The following CLASP2 variants were observed in gnomAD, a reference collection of about 807,000 sequenced individuals.
CLASP2 encodes the protein cytoplasmic linker associated protein 2, also known as CLIP-associating protein 2.
A neutral mutation model predicts 194.4 loss-of-function variants in CLASP2; 47 were observed. That is an observed-to-expected ratio of 0.24 (90% confidence interval 0.19 to 0.31). CLASP2 has a LOEUF of 0.31. Among genes scored for constraint, CLASP2 ranks in the 10% least tolerant of loss-of-function variants. The pLI is 1.00. For synonymous variants in CLASP2, 619 were observed against 633.5 expected (o/e 0.98, Z 0.34); for missense variants, 1,445 against 1,823.6 (o/e 0.79, Z 3.78).
intron 30 of CLASP2, among the ~76,000 whole-genome samples, chr3:33,550,308 A>G (rs1330172647): frequency 6.7e-6 from 1 of 150,128 alleles, no homozygotes; most frequent in African/African-American, 2.4e-5. Context: ...AGGCATGAGA[A>G]TCACTTGAAT....
At chr3:33,629,770 A>C (rs2078717528) in intron 9 of CLASP2, among the ~76,000 whole-genome samples, 1 of 151,730 alleles carries the variant, frequency 6.6e-6, no homozygotes, top group South Asian at 2.1e-4. Flanking sequence ...TATTAAAAAA[A>C]AATCATTGCT....
At chr3:33,596,683 T>C (rs1394024922) in intron 19 of CLASP2, 28 bp downstream of exon 19, 20 of 1,487,800 alleles carry the variant, frequency 1.3e-5, no homozygotes, top group Admixed American at 1.9e-5. Flanking sequence ...TAAAAATCTT[T>C]AGTAGAATTA....
At chr3:33,645,662 G>T (rs1448038326) in intron 7 of CLASP2, among the ~76,000 whole-genome samples, 2 of 151,992 alleles carry the variant, frequency 1.3e-5, no homozygotes, top group African/African-American at 2.4e-5. Flanking sequence ...TTTCTTATTT[G>T]ACATGAAAAT....
At chr3:33,677,382 T>C (rs1388743562) in intron 6 of CLASP2, among the ~76,000 whole-genome samples, 1 of 151,170 alleles carries the variant, frequency 6.6e-6, no homozygotes, top group African/African-American at 2.4e-5. Context: ...CCATAAAAAA[T>C]GATGAGTTCA....
At chr3:33,557,891 A>G (rs995416829) in intron 29 of CLASP2, among the ~76,000 whole-genome samples, 1 of 152,222 alleles carries the variant, frequency 6.6e-6, no homozygotes, top group African/African-American at 2.4e-5. Context: ...TCATTCAGAA[A>G]ACTGACTCCC....
Position 33,696,353 on chromosome 3 carries a change from CTTTTTTTTTTTTT to C in CLASP2, c.274+489_274+501del, listed in dbSNP as rs962854814. Among the ~76,000 whole-genome samples, 21 of 52,740 alleles carry C rather than the reference CTTTTTTTTTTTTT, an allele frequency of 4.0e-4. No homozygotes were observed. The South Asian group carries it at 7.0e-3, about 18-fold the overall frequency. The allele number at this position is 52,740 out of a possible 152,430, so 34.6% of individuals were successfully genotyped here. On this transcript the variant is annotated intron_variant, in intron 2 of 38. Coordinates refer to ENST00000682230, the MANE Select transcript of CLASP2 (RefSeq NM_001365631.1). Reference sequence around the variant, plus strand: ...CCAGTAAAAACAATTTTCTTTCTTTCTTTTTTTTTTTTTTTTTTTTTTTTTGCCTCAAAGGTGA... The same window carrying C: ...CCAGTAAAAACAATTTTCTTTCTTTCTTTTTTTTTTTTGCCTCAAAGGTGA...
intron 36 of CLASP2, among the ~76,000 whole-genome samples, chr3:33,513,538 A>G (rs1367812131): frequency 6.6e-6 from 1 of 152,202 alleles, no homozygotes; most frequent in Admixed American, 6.5e-5. Flanking sequence ...TCAAAACAAA[A>G]AAACCCCAAA....
At chr3:33,625,490 T>C (rs916013459) in intron 10 of CLASP2, among the ~76,000 whole-genome samples, 4 of 151,004 alleles carry the variant, frequency 2.6e-5, no homozygotes, top group African/African-American at 9.7e-5. Context: ...CCAGGTGTAC[T>C]GAATGAGCAC....
At chr3:33,630,625 A>G (rs555050505) in intron 9 of CLASP2, among the ~76,000 whole-genome samples, 1 of 152,322 alleles carries the variant, frequency 6.6e-6, no homozygotes, top group African/African-American at 2.4e-5. Context: ...GGGGTTAAAG[A>G]CTTAGGGGAG....
intron 29 of CLASP2, among the ~76,000 whole-genome samples, chr3:33,554,181 C>G (rs28367250): frequency 6.8e-6 from 1 of 146,066 alleles, no homozygotes; most frequent in Non-Finnish European, 1.5e-5. Context: ...GAACCGAGGT[C>G]ACACCACTGC....
intron 6 of CLASP2, among the ~76,000 whole-genome samples, chr3:33,669,219 GA>G (rs1349987750): frequency 6.6e-6 from 1 of 152,012 alleles, no homozygotes; most frequent in African/African-American, 2.4e-5. Context: ...GTATCCACAC[GA>G]AAAAAATTTT....
rs577235432 is a variant in CLASP2, at chr3:33,657,709, A to G, written c.715+5736T>C. On this transcript the variant is annotated intron_variant, in intron 7 of 38. Coordinates refer to ENST00000682230, the MANE Select transcript of CLASP2 (RefSeq NM_001365631.1). ...AAAAATTATTTTCTCATTTATTTCC[A>G]TAAGATCATATAAAATAGTTACATA... Among the ~76,000 whole-genome samples, 8 of 152,224 alleles carry G rather than the reference A, an allele frequency of 5.3e-5. No homozygotes were observed. The South Asian group carries it at 1.7e-3, about 32-fold the overall frequency.
chr3:33,592,663 TTTACGTGTTATACCA>T (rs757846859), intron 20 of CLASP2, 167 bp from the exon 21 acceptor site: 2 of 674,124 alleles, frequency 3.0e-6, no homozygotes. Flanking sequence ...TAATTTTTTT[TTTACGTGTTATACCA>T]TAAGCTAATT....
intron 32 of CLASP2, among the ~76,000 whole-genome samples, chr3:33,540,807 C>T (rs981662664): frequency 2.1e-5 from 3 of 146,338 alleles, no homozygotes; most frequent in Admixed American, 7.1e-5. Context: ...GAGCCTTGCT[C>T]TGTGACTTAG....
At chr3:33,587,439 C>G (rs1462265342) in intron 21 of CLASP2, among the ~76,000 whole-genome samples, 1 of 152,100 alleles carries the variant, frequency 6.6e-6, no homozygotes, top group Non-Finnish European at 1.5e-5. Context: ...GTGATTCTTA[C>G]TACAGTTTTC....
At chr3:33,575,048 T>C (rs2064550733) in intron 24 of CLASP2, among the ~76,000 whole-genome samples, 1 of 152,024 alleles carries the variant, frequency 6.6e-6, no homozygotes, top group South Asian at 2.1e-4. Flanking sequence ...ACTGGTAAAT[T>C]ATCCAATTTA....
intron 18 of CLASP2, chr3:33,602,432 T>C: frequency 2.9e-6 from 2 of 682,558 alleles, no homozygotes; most frequent in South Asian, 3.2e-5. Flanking sequence ...AATGGAAGCA[T>C]GAAGAAGAGA....
In CLASP2 at chr3:33,498,332, G is replaced by C. The variant is rs1406930834; in HGVS notation, c.*299C>G. The C allele has an allele frequency of 4.2e-6, 1 of 237,972 alleles. No homozygotes were observed. The highest frequency in any genetic ancestry group is 2.2e-5 in the African/African-American group (1 of 44,690). 14.7% of individuals were successfully genotyped at this position (237,972 alleles called of 1,614,324 possible). A position where few individuals can be genotyped will look rare whatever the true frequency, so the allele number is the denominator to read the frequency against. Reference sequence around the variant, plus strand: ...TTATACAATCATAACACTGGCAAAGGTTAATGGGAAGACAAAGTACAAACA... The same window carrying C: ...TTATACAATCATAACACTGGCAAAGCTTAATGGGAAGACAAAGTACAAACA... On this transcript the variant is annotated 3_prime_UTR_variant, in exon 39 of 39. Coordinates refer to ENST00000682230, the MANE Select transcript of CLASP2 (RefSeq NM_001365631.1).
intron 22 of CLASP2, among the ~76,000 whole-genome samples, chr3:33,583,311 C>T (rs904933961): frequency 6.6e-6 from 1 of 152,118 alleles, no homozygotes; most frequent in African/African-American, 2.4e-5. Flanking sequence ...GAAAACGTGG[C>T]ATAATAAGTA....
Sources: allele counts gnomAD v4.1 joint callset (sites outside exome capture counted in the v4.1 genomes callset), GRCh38; gene constraint gnomAD v4.1.1; transcripts MANE v1.5; gene names NCBI Gene and HGNC (gene_info 2026-07-23, HGNC 2026-07-21).